The following HECTD2 variants were observed in gnomAD, a reference collection of about 807,000 sequenced individuals.
HECTD2 encodes the protein probable E3 ubiquitin-protein ligase HECTD2.
In HECTD2, 35 loss-of-function variants were observed where a neutral mutation model predicts 103.2. That is an observed-to-expected ratio of 0.34 (90% CI 0.26 to 0.45). The LOEUF (loss-of-function observed/expected upper bound fraction) is 0.45, where lower values mean the gene tolerates loss of function less well. Ranked by LOEUF, HECTD2 falls within the 20% of genes least tolerant of loss-of-function variation. HECTD2 has a pLI of 1.00. For missense variants in HECTD2, 596 were observed against 937.4 expected (o/e 0.64, Z 4.76); for synonymous variants, 281 against 329.9 (o/e 0.85, Z 1.61).
In HECTD2 at chr10:91,425,278, C is replaced by T. The variant is rs538434247; in HGVS notation, c.139-3C>T. 8 of 1,472,290 alleles carry T rather than the reference C, an allele frequency of 5.4e-6. No homozygotes were observed. In the East Asian group the frequency reaches 1.5e-4, roughly 27 times the overall value. 91.2% of individuals were successfully genotyped at this position (1,472,290 alleles called of 1,614,324 possible). A position where few individuals can be genotyped will look rare whatever the true frequency, so the allele number is the denominator to read the frequency against. On this transcript the variant is annotated splice_region_variant and splice_polypyrimidine_tract_variant and intron_variant, in intron 1 of 20. Coordinates refer to ENST00000298068, the MANE Select transcript of HECTD2 (RefSeq NM_182765.6). ...ACTGCAATGTTAACTTTTCTGTTTTCAGGGTTTGGACAGAGGAGCCAAAGG... is the reference window on the plus strand; with the variant it reads ...ACTGCAATGTTAACTTTTCTGTTTTTAGGGTTTGGACAGAGGAGCCAAAGG...
chr10:91,412,287 G>A (rs1168036658), intron 1 of HECTD2, among the ~76,000 whole-genome samples: 3 of 152,140 alleles, frequency 2.0e-5, no homozygotes, highest in Non-Finnish European at 4.4e-5. Context: ...AGACACTTCA[G>A]TTTCAAGAAT....
chr10:91,502,239 A>G (rs527968626), intron 20 of HECTD2, among the ~76,000 whole-genome samples: 18 of 152,198 alleles, frequency 1.2e-4, no homozygotes, highest in Admixed American at 4.6e-4. Context: ...ATTTCTTTCT[A>G]TGCTTTAGTC....
chr10:91,482,429 T>G (rs7072087), intron 7 of HECTD2, among the ~76,000 whole-genome samples: 30,503 of 151,904 alleles, frequency 0.2, 7,271 homozygotes, highest in African/African-American at 0.58. Flanking sequence ...GCTGTATGTG[T>G]TTCTCCCCTT....
intron 2 of HECTD2, among the ~76,000 whole-genome samples, chr10:91,444,486 A>G (rs899273694): frequency 9.8e-5 from 15 of 152,334 alleles, no homozygotes; most frequent in African/African-American, 3.6e-4. Context: ...GAATGTTAAC[A>G]CACTATGTTA....
At chr10:91,482,442 T>C (rs975483026) in intron 7 of HECTD2, among the ~76,000 whole-genome samples, 2 of 151,978 alleles carry the variant, frequency 1.3e-5, no homozygotes, top group African/African-American at 4.8e-5. Flanking sequence ...CTCCCCTTGT[T>C]CTTTGTGATA....
chr10:91,473,888 T>C (rs924393780), intron 5 of HECTD2, among the ~76,000 whole-genome samples: 2 of 152,136 alleles, frequency 1.3e-5, no homozygotes, highest in Non-Finnish European at 2.9e-5. Context: ...TATACATGGA[T>C]TTTTCTACTG....
At chr10:91,433,795 G>A (rs1384894652) in intron 2 of HECTD2, among the ~76,000 whole-genome samples, 2 of 151,888 alleles carry the variant, frequency 1.3e-5, no homozygotes, top group Non-Finnish European at 2.9e-5. Flanking sequence ...AGCATTCGTG[G>A]TGCATGTAGT....
intron 2 of HECTD2, among the ~76,000 whole-genome samples, chr10:91,456,824 G>A (rs763085497): frequency 9.9e-5 from 15 of 152,014 alleles, no homozygotes; most frequent in Admixed American, 3.3e-4. Flanking sequence ...AAAATCAACC[G>A]AAAGCAAGCA....
At chr10:91,426,225 A>T (rs1843554091) in intron 2 of HECTD2, among the ~76,000 whole-genome samples, 1 of 151,990 alleles carries the variant, frequency 6.6e-6, no homozygotes, top group African/African-American at 2.4e-5. Flanking sequence ...AATGTTTCTT[A>T]TGTAACTCTA....
chr10:91,461,138 T>C (rs1845329926), intron 3 of HECTD2, 116 bp from the exon 4 acceptor site: 1 of 526,612 alleles, frequency 1.9e-6, no homozygotes, highest in Admixed American at 3.4e-5. Flanking sequence ...CTGGGACATA[T>C]TTCTTTATTT....
chr10:91,430,610 A>G (rs1274945206), intron 2 of HECTD2, among the ~76,000 whole-genome samples: 1 of 152,136 alleles, frequency 6.6e-6, no homozygotes, highest in Admixed American at 6.5e-5. Context: ...TTCTTGTTGA[A>G]TTGATCCCTT....
intron 5 of HECTD2, among the ~76,000 whole-genome samples, chr10:91,471,176 A>G (rs959407949): frequency 2.0e-5 from 3 of 152,206 alleles, no homozygotes; most frequent in Admixed American, 1.3e-4. Flanking sequence ...TCCTACACAT[A>G]TCAATAAATG....
intron 2 of HECTD2, among the ~76,000 whole-genome samples, chr10:91,439,554 T>G (rs1844301853): frequency 6.6e-6 from 1 of 152,220 alleles, no homozygotes; most frequent in Non-Finnish European, 1.5e-5. Flanking sequence ...TAGGATTGTC[T>G]TGGCTATACA....
At position 91,492,450 on chromosome 10, in the gene HECTD2, T is replaced by C. The variant is rs1295450790; in HGVS notation, c.1398T>C (p.Leu466=). 6 of 1,612,590 alleles carry C rather than the reference T, an allele frequency of 3.7e-6. No individual in the cohort carries two copies. The South Asian group carries it at 5.5e-5, about 15-fold the overall frequency. Residue 466 remains leucine (L), a synonymous_variant, in exon 13 of 21, where the codon CTT becomes CTC. Transcript: ENST00000298068. ...GTGGTTTGACTAAAGAATGGTTCCT[T>C]CTTCTAATTCGCCAAATTTTTCATC... ...DMGGLTKEWF[L]LLIRQIFHPD...
At chr10:91,429,269 A>G (rs1484325721) in intron 2 of HECTD2, among the ~76,000 whole-genome samples, 1 of 152,118 alleles carries the variant, frequency 6.6e-6, no homozygotes, top group African/African-American at 2.4e-5. Flanking sequence ...GTGCTGCTGG[A>G]TTCGGTGTGC....
intron 1 of HECTD2, among the ~76,000 whole-genome samples, chr10:91,419,247 G>A (rs536377031): frequency 2.6e-5 from 4 of 152,196 alleles, no homozygotes; most frequent in African/African-American, 9.6e-5. Context: ...GGAAAACCAT[G>A]GTTGTTATTC....
At chr10:91,502,524 CACA>C (rs1203705700) in intron 20 of HECTD2, among the ~76,000 whole-genome samples, 2 of 152,132 alleles carry the variant, frequency 1.3e-5, no homozygotes, top group Non-Finnish European at 2.9e-5. Flanking sequence ...TCCAAGTAAT[CACA>C]CATGGTAAGT....
At chr10:91,482,204 A>G (rs2133281684) in intron 7 of HECTD2, among the ~76,000 whole-genome samples, 1 of 151,972 alleles carries the variant, frequency 6.6e-6, no homozygotes, top group East Asian at 1.9e-4. Flanking sequence ...CCAGATTTTG[A>G]GTTGTTCTGT....
At chr10:91,470,137 C>T (rs936628104) in intron 5 of HECTD2, among the ~76,000 whole-genome samples, 1 of 152,108 alleles carries the variant, frequency 6.6e-6, no homozygotes, top group South Asian at 2.1e-4. Flanking sequence ...CTTCAACACC[C>T]CACTGACAAT....
Sources: allele counts gnomAD v4.1 joint callset (sites outside exome capture counted in the v4.1 genomes callset), GRCh38; gene constraint gnomAD v4.1.1; transcripts MANE v1.5; gene names NCBI Gene and HGNC (gene_info 2026-07-23, HGNC 2026-07-21).